The following DPP4 variants were observed in gnomAD, a reference collection of about 807,000 sequenced individuals.
The protein encoded by DPP4 is dipeptidyl peptidase 4.
Under a neutral mutation model 122.4 loss-of-function variants are expected in DPP4, and 93 were observed. That is an observed-to-expected ratio of 0.76 (90% CI 0.64 to 0.90). DPP4 has a LOEUF of 0.90. DPP4 is among the 40% of genes least tolerant of loss of function. The pLI is 0.00. For synonymous variants in DPP4, 321 were observed against 302.9 expected (o/e 1.06, Z -0.62); for missense variants, 914 against 907.3 (o/e 1.01, Z -0.09).
rs1683728274 is a variant in DPP4, at chr2:162,035,249, T to A, written c.689A>T (p.Asp230Val). The change falls in exon 9 of 26, where the codon GAC becomes GTC. Residue 230 changes from aspartate (D) to valine (V), a missense_variant. Physicochemically the swap from Asp to Val is radical, Grantham distance 152 (BLOSUM62 -3). Coordinates refer to ENST00000360534, the MANE Select transcript of DPP4 (RefSeq NM_001935.4). ...GTFLAYAQFN[D>V]TEVPLIEYSF... ...GTATTCAATAAGTGGGACTTCTGTG[T>A]CGTTAAATTGGGCATATGCTAAAAA... 2 of 1,614,034 alleles carry A rather than the reference T, an allele frequency of 1.2e-6. No homozygotes were observed. The highest frequency in any genetic ancestry group is 2.2e-5 in the South Asian group (2 of 91,074).
chr2:162,009,260 C>G lies in DPP4; in HGVS notation c.1868G>C (p.Arg623Pro). Reference sequence around the variant, plus strand: ...ACTCACCCAGCCCCAAATTGCAATTCGTTTGTTGTCCACAAATCCCATTTT... The same window carrying G: ...ACTCACCCAGCCCCAAATTGCAATTGGTTTGTTGTCCACAAATCCCATTTT... Reference protein sequence around the residue: ...FSKMGFVDNKRIAIWGWSYGG... With the variant: ...FSKMGFVDNKPIAIWGWSYGG... Residue 623 changes from arginine to proline, a missense_variant, in exon 21 of 26, where the codon CGA (arginine) becomes CCA (proline). Transcript: ENST00000360534. 6.2e-7 allele frequency: 1 copy of G among 1,613,710 alleles called. No homozygotes were observed. Among genetic ancestry groups the G allele is most frequent in the South Asian group, 1.1e-5 (1 of 91,072 alleles).
chr2:162,038,122 ATAGT>A (rs1350948367), intron 8 of DPP4, among the ~76,000 whole-genome samples, 176 bp downstream of exon 8: 1 of 152,206 alleles, frequency 6.6e-6, no homozygotes, highest in African/African-American at 2.4e-5. Flanking sequence ...AGTGCTAGGA[ATAGT>A]TAAATTCTTG....
chr2:162,014,540 G>C, intron 18 of DPP4, 75 bp from the exon 19 acceptor site: 1 of 1,048,632 alleles, frequency 9.5e-7, no homozygotes. Flanking sequence ...ATGTCCGTCA[G>C]TAGCAAGTCA....
chr2:162,005,590 G>T, intron 23 of DPP4, 155 bp downstream of exon 23: 1 of 601,736 alleles, frequency 1.7e-6, no homozygotes, highest in Non-Finnish European at 2.9e-6. Context: ...AGTAAGGGAA[G>T]CTATTGGAGT....
At chr2:162,033,983 G>A (rs568533342) in intron 9 of DPP4, among the ~76,000 whole-genome samples, 1 of 150,186 alleles carries the variant, frequency 6.7e-6, no homozygotes, top group African/African-American at 2.4e-5. Context: ...GTGCAAGCAA[G>A]GATAAACCTC....
intron 8 of DPP4, among the ~76,000 whole-genome samples, chr2:162,035,564 C>G (rs1288868441): frequency 6.6e-6 from 1 of 152,080 alleles, no homozygotes; most frequent in Non-Finnish European, 1.5e-5. Context: ...TTTTAGCATG[C>G]AATATTTAAT....
Position 162,011,262 on chromosome 2 carries a change from A to G in DPP4, c.1832+531T>C, listed in dbSNP as rs1189031475. Among the ~76,000 whole-genome samples, 3 of 152,128 alleles carry G rather than the reference A, an allele frequency of 2.0e-5. No homozygotes were observed. In the East Asian group the frequency reaches 5.8e-4, roughly 29 times the overall value. ...ATGAGATGTGGTTCATACGTAACAG[A>G]GCCCTTATACATAGTACCGATGATG... On this transcript the variant is annotated intron_variant, in intron 20 of 25. Coordinates refer to ENST00000360534, the MANE Select transcript of DPP4 (RefSeq NM_001935.4).
chr2:162,040,128 A>T (rs1373956636), intron 5 of DPP4, among the ~76,000 whole-genome samples: 2 of 152,122 alleles, frequency 1.3e-5, no homozygotes, highest in African/African-American at 4.8e-5. Flanking sequence ...TATCTAATAA[A>T]CAAATTGAAT....
At chr2:161,994,845 A>AC in intron 25 of DPP4, 116 bp downstream of exon 25, 1 of 966,804 alleles carries the variant, frequency 1.0e-6, no homozygotes, top group Non-Finnish European at 1.6e-6. Flanking sequence ...TTGAAAAAAA[A>AC]ATTTTTAATG....
In DPP4 at chr2:162,045,619, A is replaced by G. The variant is rs756115183; in HGVS notation, c.286-7T>C. On this transcript the variant is annotated splice_polypyrimidine_tract_variant and splice_region_variant and intron_variant, in intron 4 of 25. Coordinates refer to ENST00000360534, the MANE Select transcript of DPP4 (RefSeq NM_001935.4). ...TAGAATGTCCAAACTCATCCTGTCA[A>G]ACAAGAAGAACAAAGAAAAATTGAA... 26 of 1,600,462 alleles carry G rather than the reference A, an allele frequency of 1.6e-5. No homozygotes were observed. The highest frequency in any genetic ancestry group is 2.7e-5 in the African/African-American group (2 of 74,444).
intron 2 of DPP4, among the ~76,000 whole-genome samples, chr2:162,071,045 CCTGGGCCATTT>C (rs1437178605): frequency 1.2e-4 from 18 of 152,268 alleles, no homozygotes; most frequent in African/African-American, 4.3e-4. Context: ...CTGTAAGTGT[CCTGGGCCATTT>C]CCCTCACTTC....
At chr2:162,038,544 C>T in intron 7 of DPP4, 122 bp from the exon 8 acceptor site, 3 of 1,077,912 alleles carry the variant, frequency 2.8e-6, no homozygotes, top group Non-Finnish European at 4.0e-6. Flanking sequence ...TCCATTCAAA[C>T]AGGAAGAGTC....
intron 10 of DPP4, among the ~76,000 whole-genome samples, chr2:162,026,211 A>G (rs892197380): frequency 3.3e-5 from 5 of 152,142 alleles, no homozygotes; most frequent in Admixed American, 3.3e-4. Context: ...TGCTGGATAA[A>G]GCCCTTTAAG....
At chr2:162,033,972 T>G (rs999380224) in intron 9 of DPP4, among the ~76,000 whole-genome samples, 1 of 150,774 alleles carries the variant, frequency 6.6e-6, no homozygotes, top group Middle Eastern at 3.4e-3. Context: ...TTTATCACTT[T>G]GTGCAAGCAA....
At chr2:162,029,794 CA>C (rs1211578975) in intron 10 of DPP4, among the ~76,000 whole-genome samples, 15 of 151,054 alleles carry the variant, frequency 9.9e-5, no homozygotes, top group African/African-American at 3.5e-4. Context: ...ATGCCCTTTC[CA>C]ATCCCCTAGA....
intron 2 of DPP4, among the ~76,000 whole-genome samples, chr2:162,058,022 C>G (rs943781465): frequency 6.6e-6 from 1 of 152,156 alleles, no homozygotes; most frequent in Non-Finnish European, 1.5e-5. Flanking sequence ...ATCTGCCTGT[C>G]CCGGCCTCCC....
chr2:162,050,639 G>A (rs1321996170), intron 2 of DPP4, among the ~76,000 whole-genome samples: 2 of 152,228 alleles, frequency 1.3e-5, no homozygotes, highest in African/African-American at 4.8e-5. Flanking sequence ...CAAGAGAAGA[G>A]CGGCTAAATT....
chr2:162,026,981 C>T (rs1683353080), intron 10 of DPP4, among the ~76,000 whole-genome samples: 1 of 152,058 alleles, frequency 6.6e-6, no homozygotes, highest in African/African-American at 2.4e-5. Context: ...ACAAATGTAG[C>T]CAGAGACCAT....
Position 161,993,230 on chromosome 2 carries a change from T to G in DPP4, c.*53A>C. 2 of 1,407,054 alleles carry G rather than the reference T, an allele frequency of 1.4e-6. No individual in the cohort carries two copies. Among genetic ancestry groups the G allele is most frequent in the Non-Finnish European group, 1.0e-6 (1 of 993,416 alleles). The allele number at this position is 1,407,054 out of a possible 1,614,324, so 87.2% of individuals were successfully genotyped here. ...TCTTGACAGTGCAGTTTTGAGATAATGAAAACAAAAATGAGTTTTAATAAG... is the reference window on the plus strand; with the variant it reads ...TCTTGACAGTGCAGTTTTGAGATAAGGAAAACAAAAATGAGTTTTAATAAG... On this transcript the variant is annotated 3_prime_UTR_variant, in exon 26 of 26. Coordinates refer to ENST00000360534, the MANE Select transcript of DPP4 (RefSeq NM_001935.4).
Sources: gnomAD v4.1 joint callset for allele counts (sites outside exome capture counted in the v4.1 genomes callset) on GRCh38, gnomAD v4.1.1 for gene constraint, MANE v1.5 for transcripts, NCBI Gene and HGNC (gene_info 2026-07-23, HGNC 2026-07-21) for gene names.